Variants in ZNF385B observed in about 807,000 individuals in gnomAD.
The protein encoded by ZNF385B is zinc finger protein 385B.
Under a neutral mutation model 39.2 loss-of-function variants are expected in ZNF385B, and 23 were observed. That is an observed-to-expected ratio of 0.59 (90% CI 0.42 to 0.83). The LOEUF is 0.83. Among genes scored for constraint, ZNF385B ranks in the 40% least tolerant of loss-of-function variants. ZNF385B has a pLI of 0.00. For missense variants in ZNF385B, 552 were observed against 598.9 expected (o/e 0.92, Z 0.82); for synonymous variants, 205 against 222.6 (o/e 0.92, Z 0.70).
intron 3 of ZNF385B, among the ~76,000 whole-genome samples, chr2:179,703,514 G>A (rs1434504145): frequency 6.6e-6 from 1 of 152,118 alleles, no homozygotes; most frequent in Non-Finnish European, 1.5e-5. Context: ...AGGTCCAGAA[G>A]GTTTTGTTCA....
chr2:179,707,191 G>T (rs921588363), intron 3 of ZNF385B, among the ~76,000 whole-genome samples: 1 of 152,200 alleles, frequency 6.6e-6, no homozygotes, highest in African/African-American at 2.4e-5. Context: ...CTGCACGCCC[G>T]TGGAATTAGT....
chr2:179,701,563 C>A (rs1357128897), intron 3 of ZNF385B, among the ~76,000 whole-genome samples: 1 of 152,188 alleles, frequency 6.6e-6, no homozygotes, highest in Admixed American at 6.5e-5. Context: ...CATAGAAATG[C>A]CAGATCACAC....
At chr2:179,795,573 TAA>T (rs1200882420) in intron 1 of ZNF385B, among the ~76,000 whole-genome samples, 1 of 152,202 alleles carries the variant, frequency 6.6e-6, no homozygotes, top group Non-Finnish European at 1.5e-5. Flanking sequence ...ATAAATAATG[TAA>T]AGTCTAGATA....
chr2:179,584,668 G>T (rs1408662859), intron 3 of ZNF385B, among the ~76,000 whole-genome samples: 1 of 152,160 alleles, frequency 6.6e-6, no homozygotes, highest in Non-Finnish European at 1.5e-5. Flanking sequence ...GCCTACCGAG[G>T]AATGCAGAGG....
intron 4 of ZNF385B, chr2:179,534,675 T>C (rs1270417974): frequency 1.3e-5 from 2 of 152,206 alleles, no homozygotes; most frequent in East Asian, 3.9e-4. Context: ...TCCGGTGCTT[T>C]TTTTCCCTAT....
intron 9 of ZNF385B, among the ~76,000 whole-genome samples, chr2:179,443,911 T>C (rs1474452500): frequency 6.6e-6 from 1 of 152,164 alleles, no homozygotes; most frequent in African/African-American, 2.4e-5. Context: ...AGGTAATGAG[T>C]TCAGGACTTT....
chr2:179,612,446 A>G (rs753440399), intron 3 of ZNF385B, among the ~76,000 whole-genome samples: 17 of 146,450 alleles, frequency 1.2e-4, no homozygotes, highest in Non-Finnish European at 1.6e-4. Context: ...ATTAAGGGGC[A>G]CTCCAAGCCC....
chr2:179,623,751 G>C (rs939305640), intron 3 of ZNF385B, among the ~76,000 whole-genome samples: 1 of 152,074 alleles, frequency 6.6e-6, no homozygotes, highest in African/African-American at 2.4e-5. Context: ...TCCTGAACCT[G>C]GTTCTGCAGG....
chr2:179,679,579 T>A (rs897430126), intron 3 of ZNF385B, among the ~76,000 whole-genome samples: 1 of 149,966 alleles, frequency 6.7e-6, no homozygotes, highest in Non-Finnish European at 1.5e-5. Context: ...TTCTTCCATT[T>A]TATTTCTTAT....
At chr2:179,540,441 T>C (rs2059842862) in intron 4 of ZNF385B, among the ~76,000 whole-genome samples, 1 of 152,070 alleles carries the variant, frequency 6.6e-6, no homozygotes, top group African/African-American at 2.4e-5. Context: ...AGTGAAACTC[T>C]GTCTCAAACA....
At chr2:179,858,014 G>C (rs904268512) in intron 1 of ZNF385B, among the ~76,000 whole-genome samples, 8 of 152,138 alleles carry the variant, frequency 5.3e-5, no homozygotes, top group African/African-American at 1.9e-4. Context: ...GATTAAGCTT[G>C]GTTCTCTTTT....
chr2:179,797,472 T>C (rs1382342528), intron 1 of ZNF385B, among the ~76,000 whole-genome samples: 1 of 152,176 alleles, frequency 6.6e-6, no homozygotes, highest in Non-Finnish European at 1.5e-5. Flanking sequence ...GCTTCCCCAA[T>C]TTTCATCTGC....
At chr2:179,808,322 G>C (rs61482533) in intron 1 of ZNF385B, among the ~76,000 whole-genome samples, 1 of 152,134 alleles carries the variant, frequency 6.6e-6, no homozygotes. Flanking sequence ...GTGAGCCACC[G>C]CACCCGGCCT....
At chr2:179,761,984 T>C (rs1000439237) in intron 3 of ZNF385B, among the ~76,000 whole-genome samples, 2 of 152,066 alleles carry the variant, frequency 1.3e-5, no homozygotes, top group African/African-American at 4.8e-5. Flanking sequence ...GCTCTTGGTC[T>C]TAGGAGAAAA....
At chr2:179,839,246 T>C (rs572027446) in intron 1 of ZNF385B, among the ~76,000 whole-genome samples, 3 of 152,312 alleles carry the variant, frequency 2.0e-5, no homozygotes, top group South Asian at 4.1e-4. Context: ...CCTGGGTCTT[T>C]GCACTCCAAT....
intron 1 of ZNF385B, among the ~76,000 whole-genome samples, chr2:179,828,648 T>C (rs568972372): frequency 3.3e-5 from 5 of 152,324 alleles, no homozygotes; most frequent in Admixed American, 2.6e-4. Context: ...AAAAGGCTCC[T>C]GGTTTTCATG....
intron 1 of ZNF385B, among the ~76,000 whole-genome samples, chr2:179,845,996 C>T (rs1022563664): frequency 3.9e-5 from 6 of 152,192 alleles, no homozygotes; most frequent in African/African-American, 1.2e-4. Context: ...TCTTAGACTA[C>T]ATTCTCTTCA....
At chr2:179,574,982 TG>T (rs1490582384) in intron 3 of ZNF385B, among the ~76,000 whole-genome samples, 1 of 152,124 alleles carries the variant, frequency 6.6e-6, no homozygotes, top group African/African-American at 2.4e-5. Flanking sequence ...CTTTCGTTTC[TG>T]TGTATGTTGA....
At chr2:179,787,913 T>C (rs939705133) in intron 1 of ZNF385B, among the ~76,000 whole-genome samples, 3 of 152,202 alleles carry the variant, frequency 2.0e-5, no homozygotes, top group Non-Finnish European at 4.4e-5. Context: ...ACAGCAACTA[T>C]CAGATAAAGG....
Sources: allele counts gnomAD v4.1 joint callset (sites outside exome capture counted in the v4.1 genomes callset), GRCh38; gene constraint gnomAD v4.1.1; transcripts MANE v1.5; gene names NCBI Gene and HGNC (gene_info 2026-07-23, HGNC 2026-07-21).